PPAT: variants seen among roughly 807,000 people sequenced by gnomAD.
PPAT encodes the protein phosphoribosyl pyrophosphate amidotransferase, also known as amidophosphoribosyltransferase.
Under a neutral mutation model 60.2 loss-of-function variants are expected in PPAT, and 20 were observed. The ratio of observed to expected loss-of-function variants is 0.33; its 90% CI spans 0.23 to 0.48. PPAT has a LOEUF of 0.48. Ranked by LOEUF, PPAT falls within the 20% of genes least tolerant of loss-of-function variation. PPAT has a pLI of 0.99. For synonymous variants in PPAT, 194 were observed against 215.1 expected (o/e 0.90, Z 0.86); for missense variants, 349 against 629.6 (o/e 0.55, Z 4.77).
intron 1 of PPAT, among the ~76,000 whole-genome samples, chr4:56,410,026 G>T (rs1301378450): frequency 2.6e-5 from 4 of 152,074 alleles, no homozygotes; most frequent in African/African-American, 9.7e-5. Flanking sequence ...TATACCATAT[G>T]GGACTAAATA....
chr4:56,423,876 C>CA (rs1717161953), intron 1 of PPAT, among the ~76,000 whole-genome samples: 1 of 151,986 alleles, frequency 6.6e-6, no homozygotes, highest in Non-Finnish European at 1.5e-5. Context: ...GGTACACCTG[C>CA]AATATATACC....
chr4:56,406,812 T>A, intron 2 of PPAT, 111 bp from the exon 3 acceptor site: 1 of 736,770 alleles, frequency 1.4e-6, no homozygotes, highest in Non-Finnish European at 2.2e-6. Flanking sequence ...GTACATTTAA[T>A]ATCTCTGTGT....
intron 1 of PPAT, among the ~76,000 whole-genome samples, chr4:56,430,679 G>A (rs959977333): frequency 8.0e-5 from 12 of 150,432 alleles, no homozygotes; most frequent in Non-Finnish European, 1.5e-5. Flanking sequence ...ACTCTTGTGC[G>A]GTTAACCCTT....
chr4:56,425,805 A>T (rs1717255027), intron 1 of PPAT, among the ~76,000 whole-genome samples: 2 of 152,198 alleles, frequency 1.3e-5, no homozygotes, highest in South Asian at 4.1e-4. Context: ...TCCATCTTGC[A>T]GCCAATGACT....
In PPAT at chr4:56,401,411, T is replaced by C; in HGVS notation, c.805A>G (p.Ile269Val). 1.2e-6 allele frequency: 2 copies of C among 1,607,366 alleles called. No individual in the cohort carries two copies. The highest frequency in any genetic ancestry group is 1.3e-5 in the African/African-American group (1 of 74,860). Reference sequence around the variant, plus strand: ...ACTGGGTTTCCTTCAGACCTTGATATAATATCAAGAGTTTGGACATTGTGT... The same window carrying C: ...ACTGGGTTTCCTTCAGACCTTGATACAATATCAAGAGTTTGGACATTGTGT... ...SRHNVQTLDI[I>V]SRSEGNPVAF... The change falls in exon 7 of 11, where the codon ATA (isoleucine) becomes GTA (valine). Residue 269 changes from isoleucine (I) to valine (V), a missense_variant. Ile to Val is a conservative substitution (Grantham distance 29). This residue lies in a region of PPAT where 167 missense variants were observed against 328.6 expected (regional missense o/e 0.51). Transcript: ENST00000264220.
intron 1 of PPAT, chr4:56,410,983 A>G: frequency 1.1e-6 from 1 of 911,862 alleles, no homozygotes; most frequent in South Asian, 5.0e-5. Flanking sequence ...GTAAAAGTTC[A>G]GGACTTCTGT....
chr4:56,406,345 C>G (rs1716240578), intron 3 of PPAT, 150 bp downstream of exon 3: 1 of 798,862 alleles, frequency 1.3e-6, no homozygotes, highest in African/African-American at 1.7e-5. Context: ...GTAACAAGTA[C>G]TCCAGATCAT....
intron 1 of PPAT, among the ~76,000 whole-genome samples, chr4:56,433,523 C>A (rs79114130): frequency 0.011 from 1,577 of 148,144 alleles, 32 homozygotes; most frequent in African/African-American, 0.036. Context: ...TCTTTTTCTT[C>A]AGGCACACAT....
chr4:56,398,322 A>G (rs1050860049), intron 9 of PPAT, among the ~76,000 whole-genome samples: 1 of 151,756 alleles, frequency 6.6e-6, no homozygotes, highest in Non-Finnish European at 1.5e-5. Context: ...GTGAGTTGAG[A>G]TGGTGCCATA....
chr4:56,423,764 T>G (rs1435081385), intron 1 of PPAT, among the ~76,000 whole-genome samples: 2 of 152,088 alleles, frequency 1.3e-5, no homozygotes, highest in African/African-American at 4.8e-5. Context: ...GAGATTATAT[T>G]ATTTTAAACT....
rs1241849893 is a variant in PPAT at position 56,396,157 on chromosome 4, T to C, written c.1357+462A>G. ...TAAATATCATGTGTTATTTCCACAG[T>C]TTATACATCACCTGATTTTGAAAGG... On this transcript the variant is annotated intron_variant, in intron 10 of 10. Transcript: ENST00000264220. This position sits in a 1 kb window ranked among gnomAD's most constrained non-coding sequence, Gnocchi z 4.6. 6.6e-6 allele frequency among the ~76,000 whole-genome samples: 1 copy of C among 152,200 alleles called. No individual in the cohort carries two copies. The highest frequency in any genetic ancestry group is 1.9e-4 in the East Asian group (1 of 5,200).
At chr4:56,402,700 C>T (rs985887360) in intron 5 of PPAT, among the ~76,000 whole-genome samples, 3 of 151,674 alleles carry the variant, frequency 2.0e-5, no homozygotes, top group African/African-American at 7.3e-5. Flanking sequence ...CCTGTAATCC[C>T]AGCTACTCGG....
intron 3 of PPAT, chr4:56,403,903 C>G (rs1200866810): frequency 3.2e-6 from 1 of 307,960 alleles, no homozygotes; most frequent in Non-Finnish European, 6.6e-6. Flanking sequence ...TGCTGCTGAT[C>G]TGGACAGGAG....
intron 6 of PPAT, 28 bp downstream of exon 6, chr4:56,402,080 TA>T: frequency 6.7e-7 from 1 of 1,487,750 alleles, no homozygotes; most frequent in Non-Finnish European, 9.1e-7. Flanking sequence ...CATGGGAAAA[TA>T]AAATATGTCA....
At chr4:56,427,276 T>C (rs116348933) in intron 1 of PPAT, among the ~76,000 whole-genome samples, 10 of 152,226 alleles carry the variant, frequency 6.6e-5, no homozygotes, top group Non-Finnish European at 1.5e-4. Flanking sequence ...TGGTAATTTG[T>C]GTTTAATTTT....
chr4:56,410,422 A>G (rs1252990797), intron 1 of PPAT: 1 of 586,598 alleles, frequency 1.7e-6, no homozygotes, highest in Non-Finnish European at 2.1e-6. Context: ...ACATCCTTTC[A>G]GCTCTTCGGA....
intron 1 of PPAT, chr4:56,410,943 TTTTTC>T: frequency 2.1e-6 from 2 of 975,542 alleles, no homozygotes; most frequent in Non-Finnish European, 2.4e-6. Context: ...AGTACTCTTG[TTTTTC>T]TTTTGTTTTA....
At chr4:56,428,135 G>T (rs935761554) in intron 1 of PPAT, among the ~76,000 whole-genome samples, 2 of 152,158 alleles carry the variant, frequency 1.3e-5, no homozygotes, top group Non-Finnish European at 2.9e-5. Context: ...TCATATTGAA[G>T]TTATTATTGT....
intron 1 of PPAT, among the ~76,000 whole-genome samples, chr4:56,427,186 T>C (rs781003449): frequency 1.3e-5 from 2 of 152,248 alleles, no homozygotes; most frequent in Non-Finnish European, 2.9e-5. Context: ...CTGCTATGAA[T>C]GTGGATGTAT....
Sources: allele counts gnomAD v4.1 joint callset (sites outside exome capture counted in the v4.1 genomes callset), GRCh38; gene constraint gnomAD v4.1.1; regional missense constraint gnomAD v4.1.1; non-coding constraint Gnocchi (gnomAD v3.1); transcripts MANE v1.5; gene names NCBI Gene and HGNC (gene_info 2026-07-23, HGNC 2026-07-21).